The following ATRN variants were observed in gnomAD, a reference collection of about 807,000 sequenced individuals.
ATRN encodes attractin, also known as attractin-2.
A neutral mutation model predicts 178.7 loss-of-function variants in ATRN; 54 were observed. That is an observed-to-expected ratio of 0.30 (90% confidence interval 0.24 to 0.38). The LOEUF (loss-of-function observed/expected upper bound fraction) is 0.38. Ranked by LOEUF, ATRN falls within the 10% of genes least tolerant of loss-of-function variation. The probability of loss-of-function intolerance (pLI) is 1.00; values close to 1 mark genes in which losing one functional copy is unlikely to be tolerated. For synonymous variants in ATRN, 636 were observed against 663.0 expected (o/e 0.96, Z 0.63); for missense variants, 1,443 against 1,815.1 (o/e 0.79, Z 3.73).
intron 19 of ATRN, chr20:3,592,399 C>CAAAAAAA: frequency 2.0e-6 from 1 of 507,218 alleles, no homozygotes. Context: ...GACTCAGTCT[C>CAAAAAAA]AAAAAAAAAA....
At chr20:3,492,201 G>GTGTGTGTA in intron 1 of ATRN, among the ~76,000 whole-genome samples, 1 of 150,114 alleles carries the variant, frequency 6.7e-6, no homozygotes, top group South Asian at 2.1e-4. Flanking sequence ...GTGTGTGTGT[G>GTGTGTGTA]TGTATCCGTT....
At chr20:3,635,233 G>A (rs1229711391) in intron 26 of ATRN, among the ~76,000 whole-genome samples, 1 of 151,868 alleles carries the variant, frequency 6.6e-6, no homozygotes, top group Non-Finnish European at 1.5e-5. Context: ...GGGGATGAGG[G>A]ATAAAATACT....
chr20:3,596,077 C>T (rs117179936), intron 20 of ATRN, among the ~76,000 whole-genome samples: 5,786 of 152,286 alleles, frequency 0.038, 146 homozygotes, highest in Non-Finnish European at 0.056. Flanking sequence ...ATGTAGTCCA[C>T]ACAAAATTGA....
chr20:3,525,420 C>A (rs1568707205), intron 1 of ATRN, among the ~76,000 whole-genome samples: 8 of 151,628 alleles, frequency 5.3e-5, no homozygotes, highest in Admixed American at 4.6e-4. Context: ...GCCTATCAAC[C>A]AAAAAAAAGC....
chr20:3,472,198 G>A (rs990943328), intron 1 of ATRN, among the ~76,000 whole-genome samples: 2 of 152,238 alleles, frequency 1.3e-5, no homozygotes, highest in Non-Finnish European at 2.9e-5. Flanking sequence ...AATTGGCTTA[G>A]TTTGGGGCAG....
intron 24 of ATRN, among the ~76,000 whole-genome samples, chr20:3,606,637 C>T (rs1199108612): frequency 1.3e-5 from 2 of 152,318 alleles, no homozygotes; most frequent in East Asian, 1.9e-4. Flanking sequence ...ACCACCATCA[C>T]CCTGTTGTAC....
rs1306315000 is a variant in ATRN, at chr20:3,601,018, T to G, written c.3637T>G (p.Phe1213Val). 3.1e-6 allele frequency: 5 copies of G among 1,611,776 alleles called. No individual in the cohort carries two copies. The highest frequency in any genetic ancestry group is 3.4e-6 in the Non-Finnish European group (4 of 1,178,034). Residue 1213 changes from phenylalanine (F) to valine (V), a missense_variant, in exon 23 of 29, where the codon TTC becomes GTC. By Grantham distance (50) the Phe-to-Val change is conservative. Around this residue, in one of 4 missense-constraint regions of ATRN, gnomAD observed 289 missense variants for 440.8 expected, o/e 0.66. Coordinates refer to ENST00000262919, the MANE Select transcript of ATRN (RefSeq NM_139321.3). ...FNLNITWAASFSAGTQAGEEM... is the reference protein window; with the variant it reads ...FNLNITWAASVSAGTQAGEEM... The stretch of plus-strand genomic sequence containing the variant: ...CCTCAACATCACCTGGGCTGCCAGT[T>G]TCTCAGGTAAAGACATACCTAGAGA...
In ATRN at chr20:3,490,641, G is replaced by C. The variant is rs2146087021; in HGVS notation, c.410+19124G>C. 3 of 908,960 alleles carry C rather than the reference G, an allele frequency of 3.3e-6. No individual in the cohort carries two copies. In the South Asian group the frequency reaches 3.9e-5, roughly 12 times the overall value. The allele number at this position is 908,960 out of a possible 1,614,324, so 56.3% of individuals were successfully genotyped here. Reference sequence around the variant, plus strand: ...CCTCTTCATCTGTGAACTCCACCAAGTTTTGTGCCTCTTCACTTGGATTCT... The same window carrying C: ...CCTCTTCATCTGTGAACTCCACCAACTTTTGTGCCTCTTCACTTGGATTCT... On this transcript the variant is annotated intron_variant, in intron 1 of 28. Coordinates refer to ENST00000262919, the MANE Select transcript of ATRN (RefSeq NM_139321.3).
Position 3,630,916 on chromosome 20 carries a change from C to CTTTTTTTTT in ATRN, c.3864-3355_3864-3347dup, listed in dbSNP as rs368394749. The stretch of plus-strand genomic sequence containing the variant: ...ACCATGTCTAAAAGAATTTATTTAG[C>CTTTTTTTTT]TTTTTTTTTTTTTTTTTTTTTTTTT... On this transcript the variant is annotated intron_variant, in intron 25 of 28. Coordinates refer to ENST00000262919, the MANE Select transcript of ATRN (RefSeq NM_139321.3). Among the ~76,000 whole-genome samples the CTTTTTTTTT allele has an allele frequency of 5.8e-4, 25 of 43,458 alleles. 6 individuals carry two copies. The highest frequency in any genetic ancestry group is 9.3e-4 in the Non-Finnish European group (22 of 23,620). The allele number at this position is 43,458 out of a possible 152,430, so 28.5% of individuals were successfully genotyped here.
chr20:3,478,157 T>A (rs1246917863), intron 1 of ATRN, among the ~76,000 whole-genome samples: 1 of 152,202 alleles, frequency 6.6e-6, no homozygotes, highest in Non-Finnish European at 1.5e-5. Flanking sequence ...CTGACCTGCT[T>A]CTGTTGCACT....
intron 1 of ATRN, among the ~76,000 whole-genome samples, chr20:3,515,922 C>T (rs988698399): frequency 6.6e-6 from 1 of 152,082 alleles, no homozygotes; most frequent in African/African-American, 2.4e-5. Flanking sequence ...ATAGTACGTG[C>T]ATTTAGTCAT....
Position 3,555,232 on chromosome 20 carries a change from T to C in ATRN, c.1113-4161T>C, listed in dbSNP as rs191527289. Among the ~76,000 whole-genome samples, 1,278 of 152,052 alleles carry C rather than the reference T, an allele frequency of 8.4e-3. 9 individuals carry two copies. The highest frequency in any genetic ancestry group is 0.017 in the African/African-American group (718 of 41,472). On this transcript the variant is annotated intron_variant, in intron 6 of 28. Coordinates refer to ENST00000262919, the MANE Select transcript of ATRN (RefSeq NM_139321.3). ...GTTAGCCAGGATGGTCTCGATCTCC[T>C]GACCTCGTGATCCACCCGCCTCGGC...
At chr20:3,545,646 C>G in intron 3 of ATRN, 116 bp from the exon 4 acceptor site, 1 of 1,344,010 alleles carries the variant, frequency 7.4e-7, no homozygotes, top group Non-Finnish European at 1.0e-6. Context: ...ATTTGCCTGT[C>G]TTCCTGGATG....
Position 3,486,952 on chromosome 20 carries a change from C to T in ATRN, c.410+15435C>T, listed in dbSNP as rs560030407. Among the ~76,000 whole-genome samples the T allele has an allele frequency of 2.0e-5, 3 of 152,258 alleles. No homozygotes were observed. The East Asian group carries it at 5.8e-4, about 29-fold the overall frequency. ...TCTCTTAGTACGACTTTTAGACAGA[C>T]ACATGTTGCCTATTCTTTTTATTCT... On this transcript the variant is annotated intron_variant, in intron 1 of 28. Coordinates refer to ENST00000262919, the MANE Select transcript of ATRN (RefSeq NM_139321.3).
chr20:3,542,066 G>T (rs2085629752), intron 3 of ATRN, among the ~76,000 whole-genome samples: 1 of 152,178 alleles, frequency 6.6e-6, no homozygotes, highest in South Asian at 2.1e-4. Context: ...GTGTTTAGAG[G>T]TTCACTTACA....
chr20:3,618,688 G>A (rs2086871580), intron 24 of ATRN, among the ~76,000 whole-genome samples: 1 of 152,154 alleles, frequency 6.6e-6, no homozygotes, highest in Middle Eastern at 3.2e-3. Context: ...AACTGGCCAT[G>A]GGGCTCTGAC....
intron 24 of ATRN, among the ~76,000 whole-genome samples, chr20:3,614,839 G>A (rs1258859357): frequency 1.3e-5 from 2 of 152,050 alleles, no homozygotes; most frequent in Admixed American, 6.6e-5. Flanking sequence ...TCCTGTCTCT[G>A]TGGATTTGCC....
At chr20:3,620,090 C>T (rs1207059910) in intron 24 of ATRN, among the ~76,000 whole-genome samples, 1 of 152,150 alleles carries the variant, frequency 6.6e-6, no homozygotes, top group African/African-American at 2.4e-5. Flanking sequence ...TCCCCATCTC[C>T]CTCCCACTCC....
rs1281625944 is a variant in ATRN at position 3,627,988 on chromosome 20, C to T, written c.3863+3416C>T. ...GAGATCGAGACCATCCTGGCTAACA[C>T]GGTGAAACCCCATCTCTACTAAAAA... On this transcript the variant is annotated intron_variant, in intron 25 of 28. Transcript: ENST00000262919. Among the ~76,000 whole-genome samples, 6 of 152,176 alleles carry T rather than the reference C, an allele frequency of 3.9e-5. No individual in the cohort carries two copies. In the East Asian group the frequency reaches 7.7e-4, roughly 20 times the overall value.
Sources: gnomAD v4.1 joint callset for allele counts (sites outside exome capture counted in the v4.1 genomes callset) on GRCh38, gnomAD v4.1.1 for gene constraint, gnomAD v4.1.1 regional missense constraint, MANE v1.5 for transcripts, NCBI Gene and HGNC (gene_info 2026-07-23, HGNC 2026-07-21) for gene names.